Variants in INPP5F observed in about 807,000 individuals in gnomAD.
INPP5F encodes inositol polyphosphate-5-phosphatase F, also known as phosphatidylinositide 4-phosphatase SAC2.
INPP5F carries 97 observed loss-of-function variants against 137.2 expected under a neutral mutation model. The ratio of observed to expected loss-of-function variants is 0.71; its 90% CI spans 0.60 to 0.84. INPP5F has a LOEUF of 0.84. Among genes scored for constraint, INPP5F ranks in the 40% least tolerant of loss-of-function variants. The pLI, the probability that INPP5F is intolerant of heterozygous loss-of-function variation, is 0.00. For missense variants in INPP5F, 1,271 were observed against 1,371.9 expected, an observed-to-expected ratio of 0.93 and a Z score of 1.16; for synonymous variants, 504 against 476.9, an observed-to-expected ratio of 1.06 and a Z score of -0.74.
intron 2 of INPP5F, among the ~76,000 whole-genome samples, chr10:119,762,788 G>A (rs764097526): frequency 1.1e-4 from 17 of 152,098 alleles, no homozygotes; most frequent in Non-Finnish European, 2.4e-4. Context: ...AGGGGTGACT[G>A]TATGAATTTG....
At chr10:119,781,105 C>T (rs893976268) in intron 2 of INPP5F, among the ~76,000 whole-genome samples, 2 of 152,206 alleles carry the variant, frequency 1.3e-5, no homozygotes, top group Non-Finnish European at 2.9e-5. Context: ...TTTATTCAAC[C>T]ACTGTCCTGT....
At chr10:119,814,695 C>G (rs1445878961) in intron 15 of INPP5F, 1 of 152,278 alleles carries the variant, frequency 6.6e-6, no homozygotes, top group Non-Finnish European at 1.5e-5. Flanking sequence ...GATAGTCTCA[C>G]ATGGCATGAT....
chr10:119,735,124 C>G (rs1434464591), intron 1 of INPP5F, among the ~76,000 whole-genome samples: 1 of 152,196 alleles, frequency 6.6e-6, no homozygotes, highest in Non-Finnish European at 1.5e-5. Flanking sequence ...AATTAAATCA[C>G]ATGTTTTTAG....
At chr10:119,762,913 T>G (rs1291579518) in intron 2 of INPP5F, among the ~76,000 whole-genome samples, 1 of 152,146 alleles carries the variant, frequency 6.6e-6, no homozygotes, top group African/African-American at 2.4e-5. Flanking sequence ...CTTAACTCAT[T>G]CCACCATCAA....
chr10:119,815,860 C>T (rs1040127957), intron 15 of INPP5F: 2 of 152,718 alleles, frequency 1.3e-5, no homozygotes, highest in Non-Finnish European at 2.9e-5. Context: ...AAGCTCACCA[C>T]GCCAGACTGA....
At position 119,806,424 on chromosome 10, in the gene INPP5F, C is replaced by G. The variant is rs754952661; in HGVS notation, c.1384C>G (p.Leu462Val). ...TTTTCGTGTTAATTGTATGGACTGC[C>G]TGGATCGCACCAACGTGGTCCAAGC... ...GIFRVNCMDCLDRTNVVQAAI... is the reference protein window; with the variant it reads ...GIFRVNCMDCVDRTNVVQAAI... The change falls in exon 12 of 20, where the codon CTG becomes GTG. Residue 462 changes from leucine (L) to valine (V), a missense_variant. By Grantham distance (32) the Leu-to-Val change is conservative. Around this residue, in one of 6 missense-constraint regions of INPP5F, gnomAD observed 593 missense variants for 712.4 expected, o/e 0.83. Transcript: ENST00000650623. 2 of 1,610,378 alleles carry G rather than the reference C, an allele frequency of 1.2e-6. No homozygotes were observed. Among genetic ancestry groups the G allele is most frequent in the Admixed American group, 3.4e-5 (2 of 59,314 alleles).
intron 1 of INPP5F, among the ~76,000 whole-genome samples, chr10:119,735,391 A>G (rs1481898298): frequency 3.3e-5 from 5 of 152,246 alleles, no homozygotes; most frequent in Admixed American, 6.5e-5. Context: ...TCTTTGAAAC[A>G]GCTTTTCACT....
rs761825901 is a variant in INPP5F at position 119,828,095 on chromosome 10, G to T, written c.*315G>T. The stretch of plus-strand genomic sequence containing the variant: ...TTTGGAGTGGGGTGGGTAGACTACA[G>T]TAGACACAAGGGCTGGACATGCAGA... On this transcript the variant is annotated 3_prime_UTR_variant, in exon 20 of 20. Transcript: ENST00000650623. The T allele has an allele frequency of 2.7e-5, 6 of 220,690 alleles. No homozygotes were observed. Among genetic ancestry groups the T allele is most frequent in the Non-Finnish European group, 5.4e-5 (6 of 111,070 alleles). The allele number at this position is 220,690 out of a possible 1,614,324, so 13.7% of individuals were successfully genotyped here.
At chr10:119,779,510 C>G (rs1849635845) in intron 2 of INPP5F, among the ~76,000 whole-genome samples, 1 of 152,004 alleles carries the variant, frequency 6.6e-6, no homozygotes, top group African/African-American at 2.4e-5. Flanking sequence ...GCATCAACCT[C>G]CCAGGCTTAA....
chr10:119,792,320 T>TA, intron 6 of INPP5F, 107 bp downstream of exon 6: 1 of 789,504 alleles, frequency 1.3e-6, no homozygotes, highest in South Asian at 1.8e-5. Context: ...TATATTAAGA[T>TA]ACATTTTTAA....
At chr10:119,771,867 T>TAGAG (rs1849355819) in intron 2 of INPP5F, among the ~76,000 whole-genome samples, 1 of 14,858 alleles carries the variant, frequency 6.7e-5, no homozygotes, top group Non-Finnish European at 1.5e-4. Flanking sequence ...TATATATATA[T>TAGAG]ATATATATAT....
intron 2 of INPP5F, among the ~76,000 whole-genome samples, chr10:119,756,892 T>C (rs933661265): frequency 1.4e-5 from 2 of 145,490 alleles, no homozygotes; most frequent in African/African-American, 5.0e-5. Flanking sequence ...AAAAAGGTTC[T>C]ATTTGCCCTA....
chr10:119,806,493 C>T lies in INPP5F; in HGVS notation c.1440+13C>T. The T allele has an allele frequency of 6.4e-7, 1 of 1,572,216 alleles. No homozygotes were observed. The highest frequency in any genetic ancestry group is 8.6e-7 in the Non-Finnish European group (1 of 1,164,604). ...CATGGAACAGCAGGTAATTTGGAGT[C>T]TGTTGGATTGCAAATATTCATTTCG... On this transcript the variant is annotated intron_variant, in intron 12 of 19. Coordinates refer to ENST00000650623, the MANE Select transcript of INPP5F (RefSeq NM_014937.4).
chr10:119,726,229 C>G lies in INPP5F; in HGVS notation c.-34C>G. 7.2e-7 allele frequency: 1 copy of G among 1,380,264 alleles called. No individual in the cohort carries two copies. Among genetic ancestry groups the G allele is most frequent in the Non-Finnish European group, 9.5e-7 (1 of 1,051,094 alleles). 85.5% of individuals were successfully genotyped at this position (1,380,264 alleles called of 1,614,324 possible). A position where few individuals can be genotyped will look rare whatever the true frequency, so the allele number is the denominator to read the frequency against. On this transcript the variant is annotated 5_prime_UTR_variant, in exon 1 of 20. Transcript: ENST00000650623. ...ACTAGGACGCCCCGTGCGCCGCCCG[C>G]GGGCCGCCGCCTCCCTGGGCGCGCG...
chr10:119,801,105 C>T (rs1433857610), intron 9 of INPP5F, among the ~76,000 whole-genome samples: 1 of 152,136 alleles, frequency 6.6e-6, no homozygotes, highest in Non-Finnish European at 1.5e-5. Flanking sequence ...TAGAAACAAC[C>T]TAATTGTTCA....
chr10:119,732,500 C>CTTTTTTTTT (rs59388357), intron 1 of INPP5F, among the ~76,000 whole-genome samples: 21 of 115,562 alleles, frequency 1.8e-4, no homozygotes, highest in African/African-American at 4.1e-4. Flanking sequence ...TTTCTTTTTT[C>CTTTTTTTTT]TTTTTTTTTT....
chr10:119,762,031 C>T (rs1020282697), intron 2 of INPP5F, among the ~76,000 whole-genome samples: 9 of 152,158 alleles, frequency 5.9e-5, no homozygotes, highest in Non-Finnish European at 1.0e-4. Flanking sequence ...GTAGAACCTC[C>T]GTATATGAAA....
intron 2 of INPP5F, among the ~76,000 whole-genome samples, chr10:119,765,210 A>T (rs933061428): frequency 3.3e-5 from 5 of 151,934 alleles, no homozygotes; most frequent in African/African-American, 1.2e-4. Context: ...CTGGGATTAC[A>T]GGTGTGAGCC....
At chr10:119,797,037 G>C in intron 7 of INPP5F, 124 bp downstream of exon 7, 1 of 926,920 alleles carries the variant, frequency 1.1e-6, no homozygotes, top group Non-Finnish European at 1.7e-6. Context: ...AGTGCTTGGG[G>C]ACTCTAAATA....
Sources: allele counts gnomAD v4.1 joint callset (sites outside exome capture counted in the v4.1 genomes callset), GRCh38; gene constraint gnomAD v4.1.1; regional missense constraint gnomAD v4.1.1; transcripts MANE v1.5; gene names NCBI Gene and HGNC (gene_info 2026-07-23, HGNC 2026-07-21).